The following PSMD1 variants were observed in gnomAD, a reference collection of about 807,000 sequenced individuals.
The protein encoded by PSMD1 is 26S proteasome non-ATPase regulatory subunit 1.
In PSMD1, 18 loss-of-function variants were observed where a neutral mutation model predicts 119.0. The ratio of observed to expected loss-of-function variants is 0.15; its 90% confidence interval spans 0.10 to 0.22. The LOEUF (loss-of-function observed/expected upper bound fraction) is 0.22, where lower values mean the gene tolerates loss of function less well. Among genes scored for constraint, PSMD1 ranks in the 10% least tolerant of loss-of-function variants. The probability of loss-of-function intolerance (pLI) is 1.00; values close to 1 mark genes in which losing one functional copy is unlikely to be tolerated. For synonymous variants in PSMD1, 374 were observed against 396.6 expected (o/e 0.94, Z 0.68); for missense variants, 702 against 1,158.5 (o/e 0.61, Z 5.72).
intron 16 of PSMD1, among the ~76,000 whole-genome samples, chr2:231,132,324 G>A (rs1005533598): frequency 4.6e-5 from 7 of 152,218 alleles, no homozygotes; most frequent in African/African-American, 1.7e-4. Context: ...TTTCCTGTGA[G>A]TCAGTTTTCC....
intron 16 of PSMD1, among the ~76,000 whole-genome samples, chr2:231,096,300 C>G (rs904618813): frequency 6.6e-6 from 1 of 152,138 alleles, no homozygotes; most frequent in Admixed American, 6.5e-5. Context: ...TCAGGCAAAA[C>G]CTCCATTTCC....
intron 19 of PSMD1, among the ~76,000 whole-genome samples, 174 bp from the exon 20 acceptor site, chr2:231,161,166 C>T (rs76901853): frequency 0.04 from 6,111 of 151,638 alleles, 134 homozygotes; most frequent in East Asian, 0.11. Flanking sequence ...GAGCCATGAT[C>T]GTGCTGCTGC....
At chr2:231,084,194 GA>G (rs546147058) in intron 14 of PSMD1, among the ~76,000 whole-genome samples, 202 of 151,740 alleles carry the variant, frequency 1.3e-3, no homozygotes, top group African/African-American at 4.7e-3. Flanking sequence ...GCTAAACGTA[GA>G]AAAAAAATTA....
chr2:231,070,402 T>C (rs963086008), intron 6 of PSMD1, among the ~76,000 whole-genome samples: 1 of 152,158 alleles, frequency 6.6e-6, no homozygotes, highest in African/African-American at 2.4e-5. Flanking sequence ...TCTTTCTTTG[T>C]ATTCTTTTTT....
At chr2:231,131,952 A>C (rs1037510332) in intron 16 of PSMD1, among the ~76,000 whole-genome samples, 35 of 152,204 alleles carry the variant, frequency 2.3e-4, no homozygotes, top group Admixed American at 2.6e-4. Flanking sequence ...AGAATGTGTC[A>C]GAGTTGGAAC....
rs530215999 is a variant in PSMD1 at position 231,131,225 on chromosome 2, AT to A, written c.1884-7503del. 6.5e-4 allele frequency among the ~76,000 whole-genome samples: 99 copies of A among 151,926 alleles called. 1 individual carries two copies. The highest frequency in any genetic ancestry group is 7.2e-4 in the Non-Finnish European group (49 of 67,930). ...AATCTACAAGCTTGATCACATTCAC[AT>A]TTTTTTTAGGGTGGTGGGGCTGGCG... On this transcript the variant is annotated intron_variant, in intron 16 of 24. Transcript: ENST00000308696.
chr2:231,101,221 T>G (rs1694858792), intron 16 of PSMD1, among the ~76,000 whole-genome samples: 1 of 152,224 alleles, frequency 6.6e-6, no homozygotes, highest in African/African-American at 2.4e-5. Flanking sequence ...GGTTAGTGTC[T>G]GGAGACAGGA....
intron 15 of PSMD1, 134 bp from the exon 16 acceptor site, chr2:231,086,983 G>A: frequency 8.1e-6 from 5 of 616,228 alleles, no homozygotes; most frequent in East Asian, 2.8e-5. Flanking sequence ...GTTTAGAGGT[G>A]TGCAACATAA....
chr2:231,123,990 G>C, intron 16 of PSMD1: 1 of 504,398 alleles, frequency 2.0e-6, no homozygotes, highest in Non-Finnish European at 3.6e-6. Flanking sequence ...TTTTCTAGAG[G>C]CTTAAATTTA....
At chr2:231,104,683 A>G (rs1055000536) in intron 16 of PSMD1, among the ~76,000 whole-genome samples, 2 of 152,170 alleles carry the variant, frequency 1.3e-5, no homozygotes, top group Admixed American at 6.5e-5. Flanking sequence ...ACTGTCATAA[A>G]GCTAAATACT....
chr2:231,113,616 G>T, intron 16 of PSMD1: 1 of 882,492 alleles, frequency 1.1e-6, no homozygotes, highest in Non-Finnish European at 1.9e-6. Context: ...TGTATCAGTA[G>T]GCTGGCTTGA....
chr2:231,161,248 A>G, intron 19 of PSMD1, 92 bp from the exon 20 acceptor site: 3 of 1,299,670 alleles, frequency 2.3e-6, no homozygotes, highest in South Asian at 3.1e-5. Context: ...TAAAAAAAAA[A>G]AAAAGAAAGA....
chr2:231,156,680 CTT>C (rs1297703508), intron 19 of PSMD1, among the ~76,000 whole-genome samples: 1 of 151,696 alleles, frequency 6.6e-6, no homozygotes, highest in East Asian at 1.9e-4. Flanking sequence ...TTTTAAAAAA[CTT>C]ATTTATTTTA....
chr2:231,109,712 TA>T (rs1419787264), intron 16 of PSMD1, among the ~76,000 whole-genome samples: 1 of 152,220 alleles, frequency 6.6e-6, no homozygotes, highest in African/African-American at 2.4e-5. Context: ...ACATTTCTCA[TA>T]ATCTATTTTT....
chr2:231,167,667 A>G (rs1305739372), intron 23 of PSMD1, among the ~76,000 whole-genome samples: 1 of 152,254 alleles, frequency 6.6e-6, no homozygotes. Context: ...AAGTTAAATG[A>G]GCATTGACTT....
intron 16 of PSMD1, among the ~76,000 whole-genome samples, chr2:231,115,739 G>A (rs997004107): frequency 7.2e-5 from 11 of 152,090 alleles, no homozygotes; most frequent in Non-Finnish European, 1.5e-4. Context: ...TTTATTTATT[G>A]AAATGTAAAT....
rs771676943 is a variant in PSMD1, at chr2:231,087,108, T to C, written c.1819-9T>C. ...ATAGTATAATATAATCTTAAACTTT[T>C]CCCCCTAGGTAAGTGATGTTAATGA... On this transcript the variant is annotated splice_polypyrimidine_tract_variant and intron_variant, in intron 15 of 24. Transcript: ENST00000308696. The C allele has an allele frequency of 6.2e-6, 10 of 1,612,704 alleles. No homozygotes were observed. The highest frequency in any genetic ancestry group is 2.2e-5 in the South Asian group (2 of 91,036).
intron 4 of PSMD1, among the ~76,000 whole-genome samples, chr2:231,065,707 G>A (rs1200029739): frequency 2.6e-5 from 4 of 152,080 alleles, no homozygotes; most frequent in Admixed American, 1.3e-4. Context: ...TAACTAAATT[G>A]CAAACAAATG....
At chr2:231,165,366 A>G in intron 22 of PSMD1, 80 bp downstream of exon 22, 1 of 1,401,516 alleles carries the variant, frequency 7.1e-7, no homozygotes, top group African/African-American at 1.4e-5. Context: ...GTTGAATATT[A>G]TTCTACCTTG....
Sources: gnomAD v4.1 joint callset for allele counts (sites outside exome capture counted in the v4.1 genomes callset) on GRCh38, gnomAD v4.1.1 for gene constraint, MANE v1.5 for transcripts, NCBI Gene and HGNC (gene_info 2026-07-23, HGNC 2026-07-21) for gene names.